NR1H2: variants seen among roughly 807,000 people sequenced by gnomAD.
NR1H2 encodes the protein nuclear receptor subfamily 1 group H member 2.
In NR1H2, 33 loss-of-function variants were observed where a neutral mutation model predicts 51.2. The ratio of observed to expected loss-of-function variants is 0.64; its 90% CI spans 0.49 to 0.86. The LOEUF is 0.86. Ranked by LOEUF, NR1H2 falls within the 40% of genes least tolerant of loss-of-function variation. The pLI, the probability that NR1H2 is intolerant of heterozygous loss-of-function variation, is 0.00. For synonymous variants in NR1H2, 310 were observed against 264.3 expected, an observed-to-expected ratio of 1.17 and a Z score of -1.68; for missense variants, 592 against 639.9, an observed-to-expected ratio of 0.93 and a Z score of 0.81.
At chr19:50,378,118 C>T in intron 4 of NR1H2, 31 bp from the exon 5 acceptor site, 1 of 1,581,272 alleles carries the variant, frequency 6.3e-7, no homozygotes, top group Non-Finnish European at 8.6e-7. Flanking sequence ...CTCCTTGTGG[C>T]TTTCTCATGG....
intron 8 of NR1H2, among the ~76,000 whole-genome samples, chr19:50,381,286 C>A (rs1209487132): frequency 6.6e-6 from 1 of 152,240 alleles, no homozygotes; most frequent in South Asian, 2.1e-4. Flanking sequence ...GTCACCCTCA[C>A]AATCCCTCAT....
In NR1H2 at chr19:50,382,488, G is replaced by T; in HGVS notation, c.1269G>T (p.Lys423Asn). ...DQLRFPRMLM[K>N]LVSLRTLSSV... ...TGCGCTTCCCGCGCATGCTCATGAA[G>T]CTGGTGAGCCTGCGCACGCTGAGCT... is the stretch of plus-strand genomic sequence containing the variant. The change falls in exon 10 of 10, where the codon AAG (lysine) becomes AAT (asparagine). Residue 423 changes from lysine to asparagine, a missense_variant. By Grantham distance (94) the Lys-to-Asn change is moderately conservative. This residue lies in a region of NR1H2 where 174 missense variants were observed against 174.0 expected (regional missense o/e 1.00). Coordinates refer to ENST00000253727, the MANE Select transcript of NR1H2 (RefSeq NM_007121.7). 1 of 1,609,994 alleles carries T rather than the reference G, an allele frequency of 6.2e-7. No individual in the cohort carries two copies. Among genetic ancestry groups the T allele is most frequent in the Non-Finnish European group, 8.5e-7 (1 of 1,179,206 alleles).
At position 50,378,668 on chromosome 19, in the gene NR1H2, G is replaced by T; in HGVS notation, c.619G>T (p.Gly207Cys). 1 of 1,613,892 alleles carries T rather than the reference G, an allele frequency of 6.2e-7. No individual in the cohort carries two copies. Among genetic ancestry groups the T allele is most frequent in the Non-Finnish European group, 8.5e-7 (1 of 1,180,032 alleles). Residue 207 changes from glycine to cysteine, a missense_variant, in exon 6 of 10, where the codon GGC becomes TGC. Physicochemically the swap from Gly to Cys is radical, Grantham distance 159. Coordinates refer to ENST00000253727, the MANE Select transcript of NR1H2 (RefSeq NM_007121.7). The stretch of plus-strand genomic sequence containing the variant: ...GGCTTCCCCTGGTGGATCTGAGGCA[G>T]GCAGCCAGGGCTCCGGGGAAGGCGA... Reference protein sequence around the residue: ...PGASPGGSEAGSQGSGEGEGV... With the variant: ...PGASPGGSEACSQGSGEGEGV...
intron 7 of NR1H2, 139 bp from the exon 8 acceptor site, chr19:50,379,641 T>C (rs925521902): frequency 6.1e-6 from 4 of 658,558 alleles, no homozygotes; most frequent in Non-Finnish European, 1.1e-5. Context: ...GGCTGCACGC[T>C]GGTGTGGCTG....
rs759343489 is a variant in NR1H2 at position 50,377,637 on chromosome 19, C to G, written c.32C>G (p.Thr11Ser). MSSPTTSSLDTPLPGNGPPQP... is the reference protein window; with the variant it reads MSSPTTSSLDSPLPGNGPPQP... ...TCTCCTACCACGAGTTCCCTGGATACCCCCCTGCCTGGTGAGTGACTCTCT... is the reference window on the plus strand; with the variant it reads ...TCTCCTACCACGAGTTCCCTGGATAGCCCCCTGCCTGGTGAGTGACTCTCT... Residue 11 changes from threonine (T) to serine (S), a missense_variant, in exon 3 of 10, where the codon ACC (threonine) becomes AGC (serine). Thr to Ser is a moderately conservative substitution (Grantham distance 58, BLOSUM62 1). Transcript: ENST00000253727. 1.2e-5 allele frequency: 20 copies of G among 1,613,168 alleles called. No homozygotes were observed. The highest frequency in any genetic ancestry group is 1.7e-5 in the Non-Finnish European group (20 of 1,179,492).
rs776981982 is a variant in NR1H2, at chr19:50,378,570, A to AGCG, written c.523_524insGGC (p.Gln174_Gln175insArg). On this transcript the variant is annotated inframe_insertion, in exon 6 of 10. Coordinates refer to ENST00000253727, the MANE Select transcript of NR1H2 (RefSeq NM_007121.7). ...CGGAAGAAGAAGATTCGGAAACAGC[A>AGCG]GCAGGAGTCACAGTCACAGTCGCAG... The AGCG allele has an allele frequency of 2.5e-6, 4 of 1,613,646 alleles. No individual in the cohort carries two copies. In the Admixed American group the frequency reaches 6.7e-5, roughly 27 times the overall value.
rs2037663687 is a variant in NR1H2 at position 50,376,472 on chromosome 19, GGTTGCCGGAAGAAGTGGCGAA to G, written c.-228_-208del. ...TCTTCCGGACGTGACGCAAGGGCGG[GGTTGCCGGAAGAAGTGGCGAA>G]GTTACTTTTGAGGGTATTTGAGTAG... On this transcript the variant is annotated 5_prime_UTR_variant, in exon 1 of 10. Coordinates refer to ENST00000253727, the MANE Select transcript of NR1H2 (RefSeq NM_007121.7). 1 of 152,324 alleles carries G rather than the reference GGTTGCCGGAAGAAGTGGCGAA, an allele frequency of 6.6e-6. No homozygotes were observed. The highest frequency in any genetic ancestry group is 1.9e-4 in the East Asian group (1 of 5,198). 9.4% of individuals were successfully genotyped at this position (152,324 alleles called of 1,614,324 possible).
At chr19:50,380,608 AC>A (rs2037750470) in intron 8 of NR1H2, among the ~76,000 whole-genome samples, 2 of 151,920 alleles carry the variant, frequency 1.3e-5, no homozygotes, top group Non-Finnish European at 2.9e-5. Flanking sequence ...CCCTTTCACC[AC>A]CCGAGACGGT....
intron 8 of NR1H2, among the ~76,000 whole-genome samples, 191 bp from the exon 9 acceptor site, chr19:50,381,775 C>T (rs184401533): frequency 2.6e-5 from 4 of 152,336 alleles, no homozygotes; most frequent in African/African-American, 7.2e-5. Context: ...CATTCCTTCA[C>T]TGGGCAGCAT....
At chr19:50,379,737 A>G in intron 7 of NR1H2, 43 bp from the exon 8 acceptor site, 1 of 1,271,258 alleles carries the variant, frequency 7.9e-7, no homozygotes, top group Non-Finnish European at 1.2e-6. Flanking sequence ...TAGCAGCTGA[A>G]GGGTCACAGG....
intron 8 of NR1H2, among the ~76,000 whole-genome samples, chr19:50,380,522 C>T (rs1427379911): frequency 6.6e-6 from 1 of 152,138 alleles, no homozygotes; most frequent in Non-Finnish European, 1.5e-5. Flanking sequence ...CTCATTGTCC[C>T]ACAATCTCTG....
Position 50,379,129 on chromosome 19 carries a change from T to G in NR1H2, c.875T>G (p.Leu292Arg). 6.2e-7 allele frequency: 1 copy of G among 1,613,946 alleles called. No homozygotes were observed. The highest frequency in any genetic ancestry group is 8.5e-7 in the Non-Finnish European group (1 of 1,179,998). ...VDFAKQVPGFLQLGREDQIAL... is the reference protein window; with the variant it reads ...VDFAKQVPGFRQLGREDQIAL... ...TTCGCTAAGCAAGTGCCTGGTTTCCTGCAGCTGGGCCGGGAGGACCAGATC... is the reference window on the plus strand; with the variant it reads ...TTCGCTAAGCAAGTGCCTGGTTTCCGGCAGCTGGGCCGGGAGGACCAGATC... Residue 292 changes from leucine (L) to arginine (R), a missense_variant, in exon 7 of 10, where the codon CTG becomes CGG. Physicochemically the swap from Leu to Arg is moderately radical, Grantham distance 102. Transcript: ENST00000253727.
intron 2 of NR1H2, 83 bp from the exon 3 acceptor site, chr19:50,377,499 AAAAAG>A: frequency 2.8e-6 from 3 of 1,064,348 alleles, no homozygotes; most frequent in Non-Finnish European, 4.1e-6. Context: ...GAGATGGAAA[AAAAAG>A]GGAAAGCCCT....
At position 50,382,718 on chromosome 19, in the gene NR1H2, G is replaced by C; in HGVS notation, c.*116G>C. On this transcript the variant is annotated 3_prime_UTR_variant, in exon 10 of 10. Coordinates refer to ENST00000253727, the MANE Select transcript of NR1H2 (RefSeq NM_007121.7). ...CCTGGGCCGAGCCTGTAGACCTATC[G>C]GCTCTCATCCCTTGGGATAAGCCCC... 1 of 1,125,774 alleles carries C rather than the reference G, an allele frequency of 8.9e-7. No homozygotes were observed. The highest frequency in any genetic ancestry group is 1.2e-6 in the Non-Finnish European group (1 of 808,562). 69.7% of individuals were successfully genotyped at this position (1,125,774 alleles called of 1,614,324 possible).
chr19:50,378,407 G>A lies in NR1H2; in HGVS notation c.440G>A (p.Arg147His), dbSNP rs750258015. 16 of 1,604,716 alleles carry A rather than the reference G, an allele frequency of 1.0e-5. No individual in the cohort carries two copies. The highest frequency in any genetic ancestry group is 4.5e-5 in the East Asian group (2 of 44,628). The change falls in exon 5 of 10, where the codon CGC becomes CAC. Residue 147 changes from arginine to histidine, a missense_variant. Around this residue, in one of 3 missense-constraint regions of NR1H2, gnomAD observed 316 missense variants for 313.4 expected, o/e 1.01. Transcript: ENST00000253727. ...CGCAAGTGCCAGCAGTGCCGGCTGC[G>A]CAAGTGCAAGGAGGCAGGGATGAGG... ...MRRKCQQCRL[R>H]KCKEAGMREQ...
chr19:50,381,548 A>C (rs1281853708), intron 8 of NR1H2, among the ~76,000 whole-genome samples: 1 of 152,202 alleles, frequency 6.6e-6, no homozygotes, highest in African/African-American at 2.4e-5. Flanking sequence ...TGATGACTGA[A>C]TGAACAAGTC....
At chr19:50,377,415 G>T in intron 2 of NR1H2, 172 bp from the exon 3 acceptor site, 1 of 555,850 alleles carries the variant, frequency 1.8e-6, no homozygotes. Context: ...AAGGGGGCAG[G>T]TCTTGTTAGA....
At chr19:50,379,667 A>C in intron 7 of NR1H2, 113 bp from the exon 8 acceptor site, 1 of 710,516 alleles carries the variant, frequency 1.4e-6, no homozygotes, top group East Asian at 2.7e-5. Context: ...ACAGGGGGGA[A>C]GGGGACAAGG....
Position 50,382,835 on chromosome 19 carries a change from G to C in NR1H2, c.*233G>C. 1 of 442,074 alleles carries C rather than the reference G, an allele frequency of 2.3e-6. No homozygotes were observed. Among genetic ancestry groups the C allele is most frequent in the Non-Finnish European group, 4.0e-6 (1 of 249,492 alleles). 27.4% of individuals were successfully genotyped at this position (442,074 alleles called of 1,614,324 possible). ...TCCCGACCACTGACCCTTCCCGGCT[G>C]CCCTCCCTCCCCAGCTTACACCTCA... On this transcript the variant is annotated 3_prime_UTR_variant, in exon 10 of 10. Transcript: ENST00000253727.
Sources: allele counts gnomAD v4.1 joint callset (sites outside exome capture counted in the v4.1 genomes callset), GRCh38; gene constraint gnomAD v4.1.1; regional missense constraint gnomAD v4.1.1; transcripts MANE v1.5; gene names NCBI Gene and HGNC (gene_info 2026-07-23, HGNC 2026-07-21).